The following MOB3B variants were observed in gnomAD, a reference collection of about 807,000 sequenced individuals.
MOB3B encodes MOB kinase activator-like 2B.
Under a neutral mutation model 18.7 loss-of-function variants are expected in MOB3B, and 7 were observed. The observed-to-expected ratio is 0.37, with a 90% CI of 0.21 to 0.70. MOB3B has a LOEUF of 0.70. Ranked by LOEUF, MOB3B falls within the 30% of genes least tolerant of loss-of-function variation. MOB3B has a pLI of 0.52. For missense variants in MOB3B, 253 were observed against 281.3 expected, an observed-to-expected ratio of 0.90 and a Z score of 0.72; for synonymous variants, 111 against 99.9, an observed-to-expected ratio of 1.11 and a Z score of -0.66.
At chr9:27,495,412 G>A (rs887906860) in intron 1 of MOB3B, among the ~76,000 whole-genome samples, 1 of 152,108 alleles carries the variant, frequency 6.6e-6, no homozygotes, top group African/African-American at 2.4e-5. Flanking sequence ...GAGGGACCGT[G>A]AGGCAGGGTT....
chr9:27,449,348 TGAGA>T (rs1822746540), intron 2 of MOB3B, among the ~76,000 whole-genome samples: 1 of 152,194 alleles, frequency 6.6e-6, no homozygotes, highest in African/African-American at 2.4e-5. Flanking sequence ...AAATGTATAC[TGAGA>T]GAGAGATAAC....
intron 1 of MOB3B, among the ~76,000 whole-genome samples, chr9:27,463,653 G>C (rs1587234304): frequency 6.6e-6 from 1 of 152,164 alleles, no homozygotes; most frequent in Non-Finnish European, 1.5e-5. Context: ...ATGAATCTCA[G>C]TTTTGTCTTC....
intron 1 of MOB3B, among the ~76,000 whole-genome samples, chr9:27,516,655 C>T (rs1036540411): frequency 6.6e-6 from 1 of 152,190 alleles, no homozygotes; most frequent in Non-Finnish European, 1.5e-5. Flanking sequence ...TATCCTTATG[C>T]CTGTGACCAT....
Position 27,361,863 on chromosome 9 carries a change from A to C in MOB3B, c.419-2627T>G, listed in dbSNP as rs146548637. On this transcript the variant is annotated intron_variant, in intron 2 of 3. Transcript: ENST00000262244. ...TTTCTGGGCAGCTCAAACTCCCTCAAGTGTGCTCCCACTTCTCCTCCCCTG... is the reference window on the plus strand; with the variant it reads ...TTTCTGGGCAGCTCAAACTCCCTCACGTGTGCTCCCACTTCTCCTCCCCTG... 6.7e-3 allele frequency among the ~76,000 whole-genome samples: 1,020 copies of C among 152,256 alleles called. 35 individuals carry two copies. Among genetic ancestry groups the C allele is most frequent in the Admixed American group, 0.061 (926 of 15,286 alleles).
chr9:27,345,071 A>G lies in MOB3B; in HGVS notation c.621+13963T>C, dbSNP rs531705342. Among the ~76,000 whole-genome samples, 381 of 152,376 alleles carry G rather than the reference A, an allele frequency of 2.5e-3. 3 individuals carry two copies. The highest frequency in any genetic ancestry group is 4.1e-3 in the Non-Finnish European group (282 of 68,030). Reference sequence around the variant, plus strand: ...TGTAGGCCAGCAATGGTGATCCAGTATGCAGCAGCATGGGGTGAAGCTGAC... The same window carrying G: ...TGTAGGCCAGCAATGGTGATCCAGTGTGCAGCAGCATGGGGTGAAGCTGAC... On this transcript the variant is annotated intron_variant, in intron 3 of 3. Transcript: ENST00000262244.
At chr9:27,396,004 G>C (rs1050690702) in intron 2 of MOB3B, among the ~76,000 whole-genome samples, 9 of 152,186 alleles carry the variant, frequency 5.9e-5, no homozygotes, top group African/African-American at 1.7e-4. Flanking sequence ...GAGGACGGGG[G>C]TTATGTTACC....
At chr9:27,449,479 T>A (rs1044711856) in intron 2 of MOB3B, among the ~76,000 whole-genome samples, 1 of 152,160 alleles carries the variant, frequency 6.6e-6, no homozygotes, top group Non-Finnish European at 1.5e-5. Flanking sequence ...TAACCCTTAG[T>A]TTACAAACGA....
chr9:27,351,346 T>A (rs10812572), intron 3 of MOB3B, among the ~76,000 whole-genome samples: 4 of 51,712 alleles, frequency 7.7e-5, no homozygotes, highest in Admixed American at 1.7e-4. Flanking sequence ...CAGTAATCTC[T>A]GTAGGTCAGG....
intron 1 of MOB3B, among the ~76,000 whole-genome samples, chr9:27,463,888 T>A (rs1819333837): frequency 6.6e-6 from 1 of 151,894 alleles, no homozygotes; most frequent in Middle Eastern, 3.2e-3. Flanking sequence ...CCTGGGGATG[T>A]CCAGACTGCA....
intron 2 of MOB3B, among the ~76,000 whole-genome samples, chr9:27,382,251 A>G (rs1821589123): frequency 6.6e-6 from 1 of 152,176 alleles, no homozygotes; most frequent in Non-Finnish European, 1.5e-5. Flanking sequence ...GAGTACTGAA[A>G]AAAGCAAAAA....
chr9:27,454,608 A>G (rs1367522540), intron 2 of MOB3B, among the ~76,000 whole-genome samples: 1 of 152,234 alleles, frequency 6.6e-6, no homozygotes, highest in East Asian at 1.9e-4. Context: ...CGCAAGGGTT[A>G]AAGTAAACAG....
At chr9:27,514,495 A>G (rs1587271227) in intron 1 of MOB3B, among the ~76,000 whole-genome samples, 1 of 152,234 alleles carries the variant, frequency 6.6e-6, no homozygotes, top group Non-Finnish European at 1.5e-5. Context: ...CACTGGGTCA[A>G]TCTGACAGAA....
chr9:27,482,804 A>C (rs1476915810), intron 1 of MOB3B, among the ~76,000 whole-genome samples: 1 of 152,192 alleles, frequency 6.6e-6, no homozygotes, highest in African/African-American at 2.4e-5. Flanking sequence ...ACTCTGCAAA[A>C]ATTTGTGTAA....
intron 2 of MOB3B, among the ~76,000 whole-genome samples, chr9:27,381,183 T>C (rs1821572291): frequency 6.6e-6 from 1 of 152,134 alleles, no homozygotes; most frequent in African/African-American, 2.4e-5. Context: ...ATAGTGGGTG[T>C]TTAAGTTCTC....
At chr9:27,491,119 G>C (rs143868268) in intron 1 of MOB3B, among the ~76,000 whole-genome samples, 7 of 152,006 alleles carry the variant, frequency 4.6e-5, no homozygotes, top group African/African-American at 1.7e-4. Flanking sequence ...TCTTCGGAAC[G>C]ATGAGATAAT....
At chr9:27,517,180 T>G (rs1167798956) in intron 1 of MOB3B, among the ~76,000 whole-genome samples, 1 of 152,192 alleles carries the variant, frequency 6.6e-6, no homozygotes, top group African/African-American at 2.4e-5. Context: ...TCTTGCCTTT[T>G]AAGATTAAGA....
intron 1 of MOB3B, among the ~76,000 whole-genome samples, chr9:27,474,856 C>A (rs1290423768): frequency 3.3e-5 from 5 of 152,188 alleles, no homozygotes; most frequent in Admixed American, 2.6e-4. Flanking sequence ...CTTTAACAAT[C>A]TATCAAAACA....
At chr9:27,501,532 T>C (rs563016252) in intron 1 of MOB3B, among the ~76,000 whole-genome samples, 1 of 144,516 alleles carries the variant, frequency 6.9e-6, no homozygotes, top group South Asian at 2.2e-4. Context: ...TTCTCACTCA[T>C]AGATGGGAAC....
intron 3 of MOB3B, among the ~76,000 whole-genome samples, chr9:27,349,365 G>A (rs1563846939): frequency 6.6e-6 from 1 of 152,116 alleles, no homozygotes; most frequent in African/African-American, 2.4e-5. Context: ...GGTGGTGGGA[G>A]AAAATATAAT....
Sources: allele counts gnomAD v4.1 joint callset (sites outside exome capture counted in the v4.1 genomes callset), GRCh38; gene constraint gnomAD v4.1.1; transcripts MANE v1.5; gene names NCBI Gene and HGNC (gene_info 2026-07-23, HGNC 2026-07-21).